Variants in ARHGAP15 observed in about 807,000 individuals in gnomAD.
ARHGAP15 encodes the protein Rho GTPase activating protein 15, also known as rho GTPase-activating protein 15.
A neutral mutation model predicts 63.7 loss-of-function variants in ARHGAP15; 51 were observed. That is an observed-to-expected ratio of 0.80 (90% CI 0.64 to 1.01). ARHGAP15 has a LOEUF of 1.01. Ranked by LOEUF, ARHGAP15 falls within the 50% of genes least tolerant of loss-of-function variation. The pLI is 0.00. For missense variants in ARHGAP15, 560 were observed against 564.6 expected (o/e 0.99, Z 0.08); for synonymous variants, 191 against 193.8 (o/e 0.99, Z 0.12).
At chr2:143,424,806 G>C (rs992808595) in intron 6 of ARHGAP15, among the ~76,000 whole-genome samples, 6 of 152,120 alleles carry the variant, frequency 3.9e-5, no homozygotes, top group Non-Finnish European at 8.8e-5. Flanking sequence ...TCTCACACTA[G>C]ATTAGAAGCT....
At chr2:143,434,149 A>G (rs550757011) in intron 6 of ARHGAP15, among the ~76,000 whole-genome samples, 2 of 152,222 alleles carry the variant, frequency 1.3e-5, no homozygotes, top group South Asian at 4.2e-4. Flanking sequence ...AAGAGAGAGA[A>G]AGACTGATTG....
chr2:143,527,972 A>G (rs1694353489), intron 10 of ARHGAP15, among the ~76,000 whole-genome samples: 1 of 152,098 alleles, frequency 6.6e-6, no homozygotes, highest in African/African-American at 2.4e-5. Context: ...TGATAAGAGT[A>G]TATCATATTG....
intron 12 of ARHGAP15, among the ~76,000 whole-genome samples, chr2:143,691,535 G>A (rs1683599761): frequency 6.6e-6 from 1 of 152,066 alleles, no homozygotes; most frequent in Non-Finnish European, 1.5e-5. Context: ...GTAAAAAATG[G>A]CTATTATTGG....
At chr2:143,535,271 C>T (rs900337782) in intron 10 of ARHGAP15, among the ~76,000 whole-genome samples, 7 of 152,188 alleles carry the variant, frequency 4.6e-5, no homozygotes, top group African/African-American at 1.2e-4. Context: ...GTTCCTCTCC[C>T]ATTATGTACT....
intron 13 of ARHGAP15, among the ~76,000 whole-genome samples, chr2:143,709,183 T>C (rs1684464242): frequency 6.6e-6 from 1 of 152,202 alleles, no homozygotes; most frequent in Admixed American, 6.5e-5. Flanking sequence ...TCCACAGAGC[T>C]AAATTTAACT....
At chr2:143,760,941 A>ACC (rs1271501758) in intron 13 of ARHGAP15, among the ~76,000 whole-genome samples, 1 of 152,136 alleles carries the variant, frequency 6.6e-6, no homozygotes, top group East Asian at 1.9e-4. Flanking sequence ...TCTTTGAGTG[A>ACC]CCACCTCGAA....
At position 143,349,888 on chromosome 2, in the gene ARHGAP15, A is replaced by G. The variant is rs935231148; in HGVS notation, c.475-85713A>G. 5.9e-5 allele frequency among the ~76,000 whole-genome samples: 9 copies of G among 152,198 alleles called. No individual in the cohort carries two copies. In the East Asian group the frequency reaches 9.6e-4, roughly 16 times the overall value. ...TTACTCTCTTGTTTCTTGGAAGGAT[A>G]TGCATATGGATGATAAGATATTAAG... On this transcript the variant is annotated intron_variant, in intron 6 of 13. Transcript: ENST00000295095.
At chr2:143,585,022 G>A (rs1402083266) in intron 11 of ARHGAP15, among the ~76,000 whole-genome samples, 1 of 152,104 alleles carries the variant, frequency 6.6e-6, no homozygotes. Flanking sequence ...CTAGAGAGAT[G>A]GATCAGAAAC....
intron 6 of ARHGAP15, 76 bp from the exon 7 acceptor site, chr2:143,435,525 A>AT (rs1247508974): frequency 7.2e-7 from 1 of 1,397,410 alleles, no homozygotes; most frequent in Non-Finnish European, 9.3e-7. Context: ...TTAAAAAAGG[A>AT]TTTTTACATG....
intron 12 of ARHGAP15, among the ~76,000 whole-genome samples, chr2:143,655,741 A>T (rs1185015762): frequency 1.3e-5 from 2 of 152,214 alleles, no homozygotes; most frequent in African/African-American, 4.8e-5. Flanking sequence ...GACCAAAAAC[A>T]AGAATCAGTG....
At chr2:143,537,219 G>A (rs548606861) in intron 10 of ARHGAP15, among the ~76,000 whole-genome samples, 16 of 151,798 alleles carry the variant, frequency 1.1e-4, no homozygotes, top group Non-Finnish European at 1.5e-4. Context: ...ACTTTTTGAC[G>A]AGGTTGTTTG....
chr2:143,556,754 AAG>A (rs1463903362), intron 11 of ARHGAP15, among the ~76,000 whole-genome samples: 2 of 152,110 alleles, frequency 1.3e-5, no homozygotes, highest in Non-Finnish European at 2.9e-5. Context: ...AGAATAGAAA[AAG>A]AGTAAAAGAA....
intron 12 of ARHGAP15, among the ~76,000 whole-genome samples, chr2:143,660,738 A>G (rs1681720989): frequency 6.6e-6 from 1 of 152,212 alleles, no homozygotes; most frequent in Non-Finnish European, 1.5e-5. Context: ...TTTCCTTGAG[A>G]TAAATCTTCT....
chr2:143,745,957 C>G (rs1324733186), intron 13 of ARHGAP15, among the ~76,000 whole-genome samples: 1 of 152,134 alleles, frequency 6.6e-6, no homozygotes, highest in Non-Finnish European at 1.5e-5. Flanking sequence ...TCTTTCGTTC[C>G]AGTAATTAAA....
At chr2:143,390,849 G>T (rs746957835) in intron 6 of ARHGAP15, among the ~76,000 whole-genome samples, 1 of 152,032 alleles carries the variant, frequency 6.6e-6, no homozygotes, top group Non-Finnish European at 1.5e-5. Flanking sequence ...ATTTGCCTCC[G>T]CTTTTTACAG....
chr2:143,432,575 G>A (rs1248516698), intron 6 of ARHGAP15, among the ~76,000 whole-genome samples: 1 of 151,976 alleles, frequency 6.6e-6, no homozygotes, highest in African/African-American at 2.4e-5. Context: ...GAAAACTATT[G>A]TTGAATTAAT....
intron 12 of ARHGAP15, among the ~76,000 whole-genome samples, chr2:143,700,273 A>G (rs1559133237): frequency 6.6e-6 from 1 of 152,176 alleles, no homozygotes; most frequent in African/African-American, 2.4e-5. Context: ...CCCAAACACC[A>G]TGAAAGTGTC....
At chr2:143,403,388 A>G (rs1688068458) in intron 6 of ARHGAP15, among the ~76,000 whole-genome samples, 1 of 151,838 alleles carries the variant, frequency 6.6e-6, no homozygotes, top group African/African-American at 2.4e-5. Flanking sequence ...CATGGGACTT[A>G]ATATATTTCT....
chr2:143,710,683 C>G (rs1684542121), intron 13 of ARHGAP15, among the ~76,000 whole-genome samples: 1 of 152,154 alleles, frequency 6.6e-6, no homozygotes, highest in East Asian at 1.9e-4. Flanking sequence ...TGATGGCCAA[C>G]TGTATGAGGG....
Sources: allele counts gnomAD v4.1 joint callset (sites outside exome capture counted in the v4.1 genomes callset), GRCh38; gene constraint gnomAD v4.1.1; transcripts MANE v1.5; gene names NCBI Gene and HGNC (gene_info 2026-07-23, HGNC 2026-07-21).